Variants in ZNF66 observed in about 807,000 individuals in gnomAD.
ZNF66 encodes putative zinc finger protein 66.
Under a neutral mutation model 35.2 loss-of-function variants are expected in ZNF66, and 32 were observed. That is an observed-to-expected ratio of 0.91 (90% confidence interval 0.69 to 1.22). The LOEUF is 1.22. Ranked by LOEUF, ZNF66 falls within the 50% of genes most tolerant of loss-of-function variation. The probability of loss-of-function intolerance (pLI) is 0.00; values close to 1 mark genes in which losing one functional copy is unlikely to be tolerated. For missense variants in ZNF66, 666 were observed against 543.1 expected, an observed-to-expected ratio of 1.23 and a Z score of -2.25; for synonymous variants, 231 against 181.3, an observed-to-expected ratio of 1.27 and a Z score of -2.20.
At position 20,809,974 on chromosome 19, in the gene ZNF66, G is replaced by A. The variant is rs1414957284; in HGVS notation, c.*2652G>A. Among the ~76,000 whole-genome samples, 1 of 152,134 alleles carries A rather than the reference G, an allele frequency of 6.6e-6. No individual in the cohort carries two copies. The highest frequency in any genetic ancestry group is 2.4e-5 in the African/African-American group (1 of 41,434). On this transcript the variant is annotated 3_prime_UTR_variant, in exon 4 of 4. Coordinates refer to ENST00000344519, the MANE Select transcript of ZNF66 (RefSeq NM_001355197.2). Reference sequence around the variant, plus strand: ...AGACACACATAGGCTCAAAATAAAAGGATGGAGGAAGATCTACGAAGCAAA... The same window carrying A: ...AGACACACATAGGCTCAAAATAAAAAGATGGAGGAAGATCTACGAAGCAAA...
rs879148979 is a variant in ZNF66, at chr19:20,807,013, C to A, written c.1413C>A (p.His471Gln). 1.1e-6 allele frequency: 1 copy of A among 890,392 alleles called. No individual in the cohort carries two copies. The highest frequency in any genetic ancestry group is 1.9e-6 in the Non-Finnish European group (1 of 528,850). The allele number at this position is 890,392 out of a possible 1,614,324, so 55.2% of individuals were successfully genotyped here. The change falls in exon 4 of 4, where the codon CAC (histidine) becomes CAA (glutamine). Residue 471 changes from histidine (H) to glutamine (Q), a missense_variant. By Grantham distance (24) the His-to-Gln change is conservative. Transcript: ENST00000344519. ...ACCGCTCCTCTAACCTTACTAAACA[C>A]AAGAAAATTCATACTGGAGAGAAGC... The part of the protein sequence containing the change: ...AFNRSSNLTK[H>Q]KKIHTGEKPY...
chr19:20,783,867 T>C (rs1469993298), intron 1 of ZNF66, among the ~76,000 whole-genome samples: 1 of 152,206 alleles, frequency 6.6e-6, no homozygotes. Flanking sequence ...CAGTGTTTCC[T>C]CTTTTTTGAG....
At position 20,808,599 on chromosome 19, in the gene ZNF66, C is replaced by A. The variant is rs1971551348; in HGVS notation, c.*1277C>A. ...CCAGGCAAACAGCGTCTGGAGTGGA[C>A]CTCTAGCAAACTCCAACAGACCTGC... is the stretch of plus-strand genomic sequence containing the variant. On this transcript the variant is annotated 3_prime_UTR_variant, in exon 4 of 4. Transcript: ENST00000344519. Among the ~76,000 whole-genome samples, 1 of 152,178 alleles carries A rather than the reference C, an allele frequency of 6.6e-6. No individual in the cohort carries two copies.
At chr19:20,785,768 T>G (rs778145339) in intron 1 of ZNF66, among the ~76,000 whole-genome samples, 71 of 128,192 alleles carry the variant, frequency 5.5e-4, no homozygotes, top group Non-Finnish European at 9.4e-4. Flanking sequence ...TTTGTTTGTT[T>G]GTTTGTTTTT....
rs540472550 is a variant in ZNF66 at position 20,800,048 on chromosome 19, T to G, written c.227-5779T>G. On this transcript the variant is annotated intron_variant, in intron 3 of 3. Coordinates refer to ENST00000344519, the MANE Select transcript of ZNF66 (RefSeq NM_001355197.2). ...TTGGTTGTTGTTTTGAGACAAGATC[T>G]TACTGTCACCCAGGCTCCAATGCAG... 4.6e-5 allele frequency among the ~76,000 whole-genome samples: 7 copies of G among 152,304 alleles called. No homozygotes were observed. The South Asian group carries it at 1.4e-3, about 32-fold the overall frequency.
At chr19:20,789,699 G>C (rs780319665) in intron 1 of ZNF66, among the ~76,000 whole-genome samples, 1 of 152,108 alleles carries the variant, frequency 6.6e-6, no homozygotes, top group African/African-American at 2.4e-5. Context: ...CAGAGGAACA[G>C]AAGAAGAAAT....
At position 20,805,898 on chromosome 19, in the gene ZNF66, C is replaced by T. The variant is rs1423907194; in HGVS notation, c.298C>T (p.Leu100=). The T allele has an allele frequency of 1.5e-6, 1 of 661,636 alleles. No homozygotes were observed. Among genetic ancestry groups the T allele is most frequent in the African/African-American group, 1.8e-5 (1 of 55,282 alleles). The allele number at this position is 661,636 out of a possible 1,614,324, so 41.0% of individuals were successfully genotyped here. The change falls in exon 4 of 4, where the codon CTG becomes TTG. Residue 100 remains leucine, a synonymous_variant. Coordinates refer to ENST00000344519, the MANE Select transcript of ZNF66 (RefSeq NM_001355197.2). The stretch of plus-strand genomic sequence containing the variant: ...AAAAGATTCTTTCCAAAAACTGATA[C>T]TGAGAAGGCATAAAAAATGTGGACA... The part of the protein sequence containing the change: ...SIKDSFQKLI[L]RRHKKCGHDN...
At chr19:20,777,452 A>ATTTTTTTTT (rs756548895) in intron 1 of ZNF66, among the ~76,000 whole-genome samples, 1 of 123,130 alleles carries the variant, frequency 8.1e-6, no homozygotes, top group Non-Finnish European at 1.6e-5. Context: ...TTGAGCTTAG[A>ATTTTTTTTT]TTTTTTTTTT....
chr19:20,802,614 A>G lies in ZNF66; in HGVS notation c.227-3213A>G, dbSNP rs149228886. Among the ~76,000 whole-genome samples, 251 of 152,334 alleles carry G rather than the reference A, an allele frequency of 1.6e-3. 2 individuals carry two copies. Among genetic ancestry groups the G allele is most frequent in the African/African-American group, 6.0e-3 (249 of 41,590 alleles). On this transcript the variant is annotated intron_variant, in intron 3 of 3. Transcript: ENST00000344519. ...TCATTTTTGGCCTAACTTGTGGTCT[A>G]TATAGGAGAATGCTGTATGAGCTAT...
At position 20,807,814 on chromosome 19, in the gene ZNF66, G is replaced by T. The variant is rs958369331; in HGVS notation, c.*492G>T. Among the ~76,000 whole-genome samples, 1 of 152,090 alleles carries T rather than the reference G, an allele frequency of 6.6e-6. No homozygotes were observed. Among genetic ancestry groups the T allele is most frequent in the African/African-American group, 2.4e-5 (1 of 41,418 alleles). The stretch of plus-strand genomic sequence containing the variant: ...GAAGATGGGTGATTTCTGCATTTCC[G>T]TCTGATGTACCAGGTTCATCTCACT... On this transcript the variant is annotated 3_prime_UTR_variant, in exon 4 of 4. Transcript: ENST00000344519.
chr19:20,805,126 T>TGTGTGTGTGTGAGAGA (rs752355466), intron 3 of ZNF66, among the ~76,000 whole-genome samples: 94 of 146,078 alleles, frequency 6.4e-4, no homozygotes, highest in African/African-American at 2.3e-3. Context: ...TGTGTGTGTG[T>TGTGTGTGTGTGAGAGA]GAGAGAGAGA....
intron 1 of ZNF66, among the ~76,000 whole-genome samples, chr19:20,778,734 GATC>G (rs1428076653): frequency 6.8e-6 from 1 of 146,016 alleles, no homozygotes; most frequent in Non-Finnish European, 1.5e-5. Context: ...AGTGAGCCGA[GATC>G]ATGCCACTGA....
chr19:20,779,550 C>T (rs778763594), intron 1 of ZNF66, among the ~76,000 whole-genome samples: 4 of 151,942 alleles, frequency 2.6e-5, no homozygotes, highest in East Asian at 3.8e-4. Flanking sequence ...TATTTTAGTC[C>T]GGGCCCAGTG....
intron 1 of ZNF66, among the ~76,000 whole-genome samples, chr19:20,789,780 G>A (rs1167868940): frequency 6.6e-6 from 1 of 152,156 alleles, no homozygotes; most frequent in Non-Finnish European, 1.5e-5. Flanking sequence ...AGGATGTTAC[G>A]AGAATTAAAT....
chr19:20,789,830 G>T (rs1486042807), intron 1 of ZNF66, among the ~76,000 whole-genome samples: 1 of 152,202 alleles, frequency 6.6e-6, no homozygotes, highest in South Asian at 2.1e-4. Flanking sequence ...TCTGTATCAT[G>T]CTCTTGAGCA....
rs571754436 is a variant in ZNF66 at position 20,795,317 on chromosome 19, A to G, written c.226+1439A>G. Among the ~76,000 whole-genome samples, 3 of 151,562 alleles carry G rather than the reference A, an allele frequency of 2.0e-5. No homozygotes were observed. The South Asian group carries it at 6.3e-4, about 32-fold the overall frequency. On this transcript the variant is annotated intron_variant, in intron 3 of 3. Coordinates refer to ENST00000344519, the MANE Select transcript of ZNF66 (RefSeq NM_001355197.2). ...TAAACACCTCTTCAAGTTTTCATAA[A>G]CTGATTTTAGAAGCATTTCCTTAGG... is the stretch of plus-strand genomic sequence containing the variant.
At chr19:20,783,955 C>G (rs1412855652) in intron 1 of ZNF66, among the ~76,000 whole-genome samples, 1 of 152,188 alleles carries the variant, frequency 6.6e-6, no homozygotes. Context: ...CTCCCAGATT[C>G]AAGTGATTCT....
chr19:20,799,660 A>G (rs973898179), intron 3 of ZNF66, among the ~76,000 whole-genome samples: 2 of 152,282 alleles, frequency 1.3e-5, no homozygotes, highest in South Asian at 4.1e-4. Context: ...ATCAGTGTTG[A>G]CATTCAGTTT....
At chr19:20,794,043 C>T in intron 3 of ZNF66, 165 bp downstream of exon 3, 2 of 558,436 alleles carry the variant, frequency 3.6e-6, no homozygotes, top group Non-Finnish European at 6.4e-6. Flanking sequence ...TTAAATTTTG[C>T]TGTCACAAAG....
Sources: gnomAD v4.1 joint callset for allele counts (sites outside exome capture counted in the v4.1 genomes callset) on GRCh38, gnomAD v4.1.1 for gene constraint, MANE v1.5 for transcripts, NCBI Gene and HGNC (gene_info 2026-07-23, HGNC 2026-07-21) for gene names.